QTMAN: variants seen among roughly 807,000 people sequenced by gnomAD.
QTMAN encodes the protein queuosine-tRNA mannosyltransferase.
the QTMAN span, among the ~76,000 whole-genome samples, chr2:143,967,221 G>A: frequency 2.0e-5 from 3 of 152,122 alleles, no homozygotes; most frequent in Non-Finnish European, 4.4e-5. Flanking sequence ...TCAATTAATG[G>A]AAGTTATTAA....
At chr2:144,092,177 CT>C in the QTMAN span, among the ~76,000 whole-genome samples, 9,346 of 143,202 alleles carry the variant, frequency 0.065, 938 homozygotes, top group African/African-American at 0.22. Context: ...AATTGTACAT[CT>C]TTTTTTTTTT....
the QTMAN span, among the ~76,000 whole-genome samples, chr2:144,300,868 A>C: frequency 1.3e-5 from 2 of 152,212 alleles, no homozygotes; most frequent in Non-Finnish European, 2.9e-5. Flanking sequence ...TTATCAGCTA[A>C]GGAGGATGAG....
chr2:144,253,746 C>T, the QTMAN span, among the ~76,000 whole-genome samples: 3 of 150,332 alleles, frequency 2.0e-5, no homozygotes, highest in Non-Finnish European at 4.4e-5. Context: ...AATTTGCAGC[C>T]TAACAATGAA....
chr2:144,126,692 A>G, the QTMAN span, among the ~76,000 whole-genome samples: 1 of 151,988 alleles, frequency 6.6e-6, no homozygotes, highest in African/African-American at 2.4e-5. Context: ...ATGTTGTTTC[A>G]CTTAAAGTCA....
the QTMAN span, chr2:144,011,754 C>T: frequency 1.0e-6 from 1 of 984,362 alleles, no homozygotes; most frequent in Non-Finnish European, 1.2e-6. Context: ...CGTGACTATG[C>T]AAATAGGCAC....
chr2:144,128,796 G>A, the QTMAN span, among the ~76,000 whole-genome samples: 7 of 151,836 alleles, frequency 4.6e-5, no homozygotes, highest in South Asian at 2.1e-4. Flanking sequence ...AAACAAAATC[G>A]ACTGTCTAAA....
the QTMAN span, among the ~76,000 whole-genome samples, chr2:144,126,686 T>C: frequency 4.8e-4 from 73 of 152,124 alleles, no homozygotes; most frequent in Admixed American, 7.9e-4. Flanking sequence ...AGCTGTATGT[T>C]GTTTCACTTA....
chr2:144,189,689 G>A, the QTMAN span, among the ~76,000 whole-genome samples: 6 of 151,664 alleles, frequency 4.0e-5, no homozygotes, highest in Non-Finnish European at 8.8e-5. Flanking sequence ...GTGCGATCTC[G>A]GCTCCCTGCA....
chr2:144,210,277 C>A, the QTMAN span, among the ~76,000 whole-genome samples: 1 of 152,044 alleles, frequency 6.6e-6, no homozygotes, highest in Non-Finnish European at 1.5e-5. Context: ...ACAGTACTAA[C>A]CTCAGACATG....
At chr2:144,013,076 C>CA in the QTMAN span, among the ~76,000 whole-genome samples, 1 of 152,070 alleles carries the variant, frequency 6.6e-6, no homozygotes, top group African/African-American at 2.4e-5. Flanking sequence ...GTAGATGTTG[C>CA]ACCAGAGATG....
the QTMAN span, among the ~76,000 whole-genome samples, chr2:144,012,993 G>T: frequency 6.6e-6 from 1 of 152,054 alleles, no homozygotes; most frequent in African/African-American, 2.4e-5. Flanking sequence ...GAGTAGTAGA[G>T]CCACAGCGTT....
chr2:144,022,998 A>G, the QTMAN span, among the ~76,000 whole-genome samples: 2 of 151,938 alleles, frequency 1.3e-5, no homozygotes, highest in African/African-American at 4.8e-5. Context: ...TCATGTTTTC[A>G]ATTTATTTCT....
chr2:144,050,695 A>G, the QTMAN span, among the ~76,000 whole-genome samples: 1 of 152,168 alleles, frequency 6.6e-6, no homozygotes, highest in Admixed American at 6.5e-5. Context: ...TCTTATAGAA[A>G]TCTGTAAGTC....
At chr2:144,080,337 T>A in the QTMAN span, among the ~76,000 whole-genome samples, 3 of 152,130 alleles carry the variant, frequency 2.0e-5, no homozygotes, top group South Asian at 6.2e-4. Flanking sequence ...TGAATGCGTT[T>A]AAGCACAGTT....
the QTMAN span, among the ~76,000 whole-genome samples, chr2:144,300,368 G>A: frequency 9.9e-5 from 15 of 152,010 alleles, 1 homozygote; most frequent in Admixed American, 2.6e-4. Context: ...ATGAACAAGC[G>A]GGGAAAAATG....
chr2:144,217,664 A>C, the QTMAN span, among the ~76,000 whole-genome samples: 1 of 152,114 alleles, frequency 6.6e-6, no homozygotes, highest in Admixed American at 6.6e-5. Flanking sequence ...TCCTCTGAAG[A>C]TATAACCCTT....
chr2:144,093,922 C>T, the QTMAN span, among the ~76,000 whole-genome samples: 1 of 152,072 alleles, frequency 6.6e-6, no homozygotes. Context: ...TTTTAGAATG[C>T]AATGTAATTA....
At chr2:144,203,102 C>T in the QTMAN span, among the ~76,000 whole-genome samples, 1 of 151,570 alleles carries the variant, frequency 6.6e-6, no homozygotes, top group Non-Finnish European at 1.5e-5. Flanking sequence ...TAGAAACCAT[C>T]CTTTAGGGAC....
the QTMAN span, among the ~76,000 whole-genome samples, chr2:144,203,229 C>CTT: frequency 2.0e-5 from 3 of 150,548 alleles, no homozygotes; most frequent in Admixed American, 1.3e-4. Flanking sequence ...ATATGAGAAA[C>CTT]AGAAGAGTGG....
Sources: allele counts gnomAD v4.1 joint callset (sites outside exome capture counted in the v4.1 genomes callset), GRCh38; gene constraint gnomAD v4.1.1; transcripts MANE v1.5; gene names NCBI Gene and HGNC (gene_info 2026-07-23, HGNC 2026-07-21).